The following STK38 variants were observed in gnomAD, a reference collection of about 807,000 sequenced individuals.
STK38 encodes the protein serine/threonine-protein kinase 38.
Under a neutral mutation model 59.0 loss-of-function variants are expected in STK38, and 26 were observed. That is an observed-to-expected ratio of 0.44 (90% CI 0.32 to 0.61). The LOEUF (loss-of-function observed/expected upper bound fraction) is 0.61, where lower values mean the gene tolerates loss of function less well. Ranked by LOEUF, STK38 falls within the 20% of genes least tolerant of loss-of-function variation. STK38 has a pLI of 0.04. For missense variants in STK38, 433 were observed against 566.0 expected, an observed-to-expected ratio of 0.76 and a Z score of 2.38; for synonymous variants, 175 against 176.6, an observed-to-expected ratio of 0.99 and a Z score of 0.07.
At chr6:36,524,967 T>C (rs1777475038) in intron 3 of STK38, among the ~76,000 whole-genome samples, 1 of 152,190 alleles carries the variant, frequency 6.6e-6, no homozygotes, top group South Asian at 2.1e-4. Flanking sequence ...CCTTGTTAAC[T>C]ATATTTTCTC....
At chr6:36,519,786 T>A (rs1777338418) in intron 5 of STK38, among the ~76,000 whole-genome samples, 1 of 152,150 alleles carries the variant, frequency 6.6e-6, no homozygotes, top group African/African-American at 2.4e-5. Flanking sequence ...TTTTGTCCCA[T>A]CAATAACTGT....
intron 1 of STK38, among the ~76,000 whole-genome samples, chr6:36,546,944 T>C (rs6941918): frequency 6.6e-6 from 1 of 151,284 alleles, no homozygotes; most frequent in East Asian, 1.9e-4. Context: ...AGGAGAAAGA[T>C]AAAGGATGGG....
At position 36,519,214 on chromosome 6, in the gene STK38, G is replaced by T. The variant is rs564518573; in HGVS notation, c.391-1374C>A. On this transcript the variant is annotated intron_variant, in intron 5 of 13. Coordinates refer to ENST00000229812, the MANE Select transcript of STK38 (RefSeq NM_007271.4). ...TCTTTACATCTGTACTTATGGTATT[G>T]GGGTGGGAAAAAATGGACAATAAGG... is the stretch of plus-strand genomic sequence containing the variant. Among the ~76,000 whole-genome samples, 186 of 152,190 alleles carry T rather than the reference G, an allele frequency of 1.2e-3. 1 individual carries two copies. Among genetic ancestry groups the T allele is most frequent in the African/African-American group, 3.9e-3 (164 of 41,520 alleles).
At chr6:36,524,300 T>C (rs1777455301) in intron 4 of STK38, 41 bp downstream of exon 4, 1 of 1,586,178 alleles carries the variant, frequency 6.3e-7, no homozygotes, top group Non-Finnish European at 8.5e-7. Context: ...CTTTGAAGTT[T>C]TGCAATATTT....
intron 9 of STK38, among the ~76,000 whole-genome samples, chr6:36,502,356 A>G (rs1776860732): frequency 6.6e-6 from 1 of 152,110 alleles, no homozygotes; most frequent in Admixed American, 6.6e-5. Flanking sequence ...TTGAGCACAT[A>G]TTCATATTTT....
chr6:36,509,175 G>A (rs560121924), intron 7 of STK38, among the ~76,000 whole-genome samples: 6 of 152,314 alleles, frequency 3.9e-5, no homozygotes, highest in African/African-American at 1.4e-4. Flanking sequence ...GGAACAATGA[G>A]GTATACGGAC....
At chr6:36,537,021 T>A (rs958208924) in intron 2 of STK38, among the ~76,000 whole-genome samples, 1 of 151,962 alleles carries the variant, frequency 6.6e-6, no homozygotes, top group Admixed American at 6.6e-5. Context: ...TTACGAAACA[T>A]ACACATGACA....
chr6:36,544,700 T>C (rs866489797), intron 1 of STK38, among the ~76,000 whole-genome samples: 10 of 152,050 alleles, frequency 6.6e-5, no homozygotes, highest in Admixed American at 2.6e-4. Flanking sequence ...AAAACCCCCG[T>C]TGCTACAAAA....
At position 36,506,566 on chromosome 6, in the gene STK38, CCA is replaced by C. The variant is rs1776966806; in HGVS notation, c.834+15_834+16del. On this transcript the variant is annotated intron_variant, in intron 9 of 13. Coordinates refer to ENST00000229812, the MANE Select transcript of STK38 (RefSeq NM_007271.4). ...TACTTGGTTTGTAGCATTTCAGAAG[CCA>C]CAGATATTACTTACTAGCTGACGTC... 6.2e-7 allele frequency: 1 copy of C among 1,609,130 alleles called. No individual in the cohort carries two copies. Among genetic ancestry groups the C allele is most frequent in the Non-Finnish European group, 8.5e-7 (1 of 1,178,650 alleles).
chr6:36,526,141 C>T (rs1777505766), intron 2 of STK38, among the ~76,000 whole-genome samples: 1 of 151,560 alleles, frequency 6.6e-6, no homozygotes, highest in African/African-American at 2.4e-5. Flanking sequence ...CTTAGGTCTA[C>T]ATTTTTTAAA....
In STK38 at chr6:36,496,693, C is replaced by G; in HGVS notation, c.1267+18G>C. 2 of 1,586,042 alleles carry G rather than the reference C, an allele frequency of 1.3e-6. No individual in the cohort carries two copies. Among genetic ancestry groups the G allele is most frequent in the Non-Finnish European group, 1.7e-6 (2 of 1,155,164 alleles). The stretch of plus-strand genomic sequence containing the variant: ...AATGTGCTTATAAGGCAGCAGGAGA[C>G]AATGCTGGTGGTGTTACCTGTTGGC... On this transcript the variant is annotated intron_variant, in intron 13 of 13. Transcript: ENST00000229812.
At chr6:36,534,180 T>C (rs1237028887) in intron 2 of STK38, among the ~76,000 whole-genome samples, 1 of 151,918 alleles carries the variant, frequency 6.6e-6, no homozygotes, top group Non-Finnish European at 1.5e-5. Flanking sequence ...TAACTCACCA[T>C]ATTAAAAGAA....
At chr6:36,507,260 G>A (rs1776989311) in intron 8 of STK38, among the ~76,000 whole-genome samples, 1 of 152,048 alleles carries the variant, frequency 6.6e-6, no homozygotes, top group South Asian at 2.1e-4. Flanking sequence ...CTCATCCCCA[G>A]TGACCTTCCC....
intron 7 of STK38, among the ~76,000 whole-genome samples, chr6:36,511,270 G>C (rs1159303386): frequency 6.6e-6 from 1 of 152,064 alleles, no homozygotes. Flanking sequence ...ATTAGGTTTG[G>C]ATGTGTGTAT....
intron 7 of STK38, among the ~76,000 whole-genome samples, chr6:36,511,797 G>C (rs993108317): frequency 6.6e-6 from 1 of 151,354 alleles, no homozygotes; most frequent in Non-Finnish European, 1.5e-5. Context: ...AGTGGCTCAC[G>C]CCTGTAATCC....
At chr6:36,530,180 G>A (rs1185397380) in intron 2 of STK38, among the ~76,000 whole-genome samples, 12 of 151,820 alleles carry the variant, frequency 7.9e-5, no homozygotes, top group African/African-American at 2.9e-4. Flanking sequence ...GGCAGAGGTT[G>A]CAGTGAGCTG....
chr6:36,503,222 T>C (rs986391213), intron 9 of STK38, among the ~76,000 whole-genome samples: 4 of 152,218 alleles, frequency 2.6e-5, no homozygotes, highest in East Asian at 1.9e-4. Flanking sequence ...TTTTGATATA[T>C]AGAAGGTTTT....
chr6:36,545,373 T>C (rs1486329405), intron 1 of STK38, among the ~76,000 whole-genome samples: 1 of 151,270 alleles, frequency 6.6e-6, no homozygotes, highest in Non-Finnish European at 1.5e-5. Context: ...CTAATTTAAG[T>C]AGCTGGCTTG....
At chr6:36,533,174 G>T (rs545675627) in intron 2 of STK38, among the ~76,000 whole-genome samples, 2 of 152,014 alleles carry the variant, frequency 1.3e-5, no homozygotes, top group Non-Finnish European at 2.9e-5. Context: ...AAGAGATGGC[G>T]TCTTGTTCAG....
Sources: gnomAD v4.1 joint callset for allele counts (sites outside exome capture counted in the v4.1 genomes callset) on GRCh38, gnomAD v4.1.1 for gene constraint, MANE v1.5 for transcripts, NCBI Gene and HGNC (gene_info 2026-07-23, HGNC 2026-07-21) for gene names.